Variants in SLC25A21 observed in about 807,000 individuals in gnomAD.
SLC25A21 encodes the protein solute carrier family 25 member 21.
In SLC25A21, 47 loss-of-function variants were observed where a neutral mutation model predicts 43.8. That is an observed-to-expected ratio of 1.07 (90% CI 0.85 to 1.37). SLC25A21 has a LOEUF of 1.37. SLC25A21 is among the 40% of genes most tolerant of loss of function. The pLI, the probability that SLC25A21 is intolerant of heterozygous loss-of-function variation, is 0.00. For synonymous variants in SLC25A21, 131 were observed against 121.3 expected (o/e 1.08, Z -0.52); for missense variants, 352 against 350.2 (o/e 1.00, Z -0.04).
chr14:37,127,099 G>C (rs1342411112), intron 1 of SLC25A21, among the ~76,000 whole-genome samples: 1 of 152,146 alleles, frequency 6.6e-6, no homozygotes, highest in Non-Finnish European at 1.5e-5. Context: ...AGAAGAAAGT[G>C]ATAGAGATAG....
intron 1 of SLC25A21, among the ~76,000 whole-genome samples, chr14:36,947,462 T>C (rs1222340307): frequency 6.6e-6 from 1 of 152,160 alleles, no homozygotes; most frequent in African/African-American, 2.4e-5. Flanking sequence ...TGGTCTGAAA[T>C]GTCTGACTCC....
chr14:37,009,402 C>G (rs1422179221), intron 1 of SLC25A21, among the ~76,000 whole-genome samples: 1 of 152,060 alleles, frequency 6.6e-6, no homozygotes, highest in East Asian at 1.9e-4. Flanking sequence ...AGGAGAATTG[C>G]TTGAACCTGG....
chr14:36,763,055 C>T (rs547614024), intron 3 of SLC25A21, among the ~76,000 whole-genome samples: 1 of 152,212 alleles, frequency 6.6e-6, no homozygotes, highest in East Asian at 1.9e-4. Flanking sequence ...AAAATGCCTG[C>T]CTTAAAGCAC....
intron 1 of SLC25A21, among the ~76,000 whole-genome samples, chr14:37,104,394 T>C (rs1247929671): frequency 3.3e-5 from 5 of 152,204 alleles, no homozygotes; most frequent in African/African-American, 4.8e-5. Context: ...TTACAAATTA[T>C]CTGGTCTAAG....
chr14:36,693,158 A>AT (rs1301796268), intron 7 of SLC25A21, among the ~76,000 whole-genome samples: 4 of 152,182 alleles, frequency 2.6e-5, no homozygotes, highest in South Asian at 2.1e-4. Context: ...TGAAAATTTC[A>AT]TTTTTTTGAA....
At chr14:37,094,268 T>C (rs1051952289) in intron 1 of SLC25A21, among the ~76,000 whole-genome samples, 6 of 152,064 alleles carry the variant, frequency 3.9e-5, no homozygotes, top group African/African-American at 1.4e-4. Flanking sequence ...CTCACCAGAG[T>C]CAGGTCTCTT....
chr14:36,807,731 A>T (rs1045191205), intron 3 of SLC25A21, among the ~76,000 whole-genome samples: 4 of 152,334 alleles, frequency 2.6e-5, no homozygotes, highest in African/African-American at 9.6e-5. Context: ...CACTGATAAA[A>T]AGAAAATGTC....
At chr14:36,837,131 G>C (rs848055) in intron 2 of SLC25A21, among the ~76,000 whole-genome samples, 27,078 of 152,094 alleles carry the variant, frequency 0.18, 2,824 homozygotes, top group Middle Eastern at 0.26. Context: ...TGTGTGGCTG[G>C]AGGCTGTGGT....
At position 37,168,776 on chromosome 14, in the gene SLC25A21, G is replaced by A. The variant is rs977625474; in HGVS notation, c.70+3505C>T. ...AGTCAACTGTGAGAAAGAGGACTGA[G>A]GAGGACACCAGGGGAACACAAGGAA... On this transcript the variant is annotated intron_variant, in intron 1 of 9. Transcript: ENST00000331299. Among the ~76,000 whole-genome samples, 2 of 152,146 alleles carry A rather than the reference G, an allele frequency of 1.3e-5. 1 individual carries two copies. Among genetic ancestry groups the A allele is most frequent in the Non-Finnish European group, 2.9e-5 (2 of 68,014 alleles).
intron 2 of SLC25A21, 58 bp downstream of exon 2, chr14:36,874,898 C>A: frequency 6.9e-7 from 1 of 1,456,852 alleles, no homozygotes; most frequent in Non-Finnish European, 9.5e-7. Flanking sequence ...AGTGCTCTGA[C>A]AGATCTTAAT....
At chr14:37,016,230 G>C (rs911230086) in intron 1 of SLC25A21, among the ~76,000 whole-genome samples, 7 of 152,242 alleles carry the variant, frequency 4.6e-5, no homozygotes, top group Non-Finnish European at 8.8e-5. Context: ...TAAAGTGTAA[G>C]GAAGGGATCC....
chr14:37,044,161 T>C (rs1049539426), intron 1 of SLC25A21, among the ~76,000 whole-genome samples: 5 of 151,974 alleles, frequency 3.3e-5, no homozygotes, highest in Non-Finnish European at 5.9e-5. Flanking sequence ...GTCTGGCACA[T>C]AGTAGACACT....
intron 6 of SLC25A21, among the ~76,000 whole-genome samples, chr14:36,713,024 G>A (rs914099568): frequency 6.6e-6 from 1 of 152,116 alleles, no homozygotes; most frequent in Non-Finnish European, 1.5e-5. Context: ...GAAGGAGAGG[G>A]CAGCTTTCCT....
At chr14:37,135,468 C>A (rs1474725856) in intron 1 of SLC25A21, among the ~76,000 whole-genome samples, 2 of 151,352 alleles carry the variant, frequency 1.3e-5, no homozygotes, top group African/African-American at 2.4e-5. Context: ...CTCAAAAGAT[C>A]CCCCCACCCT....
intron 3 of SLC25A21, among the ~76,000 whole-genome samples, chr14:36,785,404 T>TG (rs1887211715): frequency 6.6e-6 from 1 of 152,206 alleles, no homozygotes; most frequent in Non-Finnish European, 1.5e-5. Flanking sequence ...CCACTCACCC[T>TG]GGGAGCAACC....
At chr14:36,904,267 G>A (rs185907953) in intron 1 of SLC25A21, among the ~76,000 whole-genome samples, 52 of 152,242 alleles carry the variant, frequency 3.4e-4, no homozygotes, top group Admixed American at 2.4e-3. Flanking sequence ...CATATCATTC[G>A]GGAGAATCTG....
intron 1 of SLC25A21, among the ~76,000 whole-genome samples, chr14:36,999,221 C>T (rs1960435550): frequency 6.6e-6 from 1 of 151,930 alleles, no homozygotes; most frequent in Non-Finnish European, 1.5e-5. Context: ...GCTATCAAGC[C>T]ATGAAAATAT....
intron 2 of SLC25A21, among the ~76,000 whole-genome samples, chr14:36,821,152 C>G (rs1193217473): frequency 6.6e-6 from 1 of 152,166 alleles, no homozygotes; most frequent in Admixed American, 6.5e-5. Flanking sequence ...CTCACCAACT[C>G]TGGGCAAAGA....
rs3061773 is a variant in SLC25A21 at position 37,032,670 on chromosome 14, C to CAAAAAAAAAAAA, written c.70+139599_70+139610dup. On this transcript the variant is annotated intron_variant, in intron 1 of 9. Coordinates refer to ENST00000331299, the MANE Select transcript of SLC25A21 (RefSeq NM_030631.4). The stretch of plus-strand genomic sequence containing the variant: ...TGGGCAACAGAGTGAGACTCTGTCT[C>CAAAAAAAAAAAA]AAAAAAAAAAAAAAAGGGAGAACAG... Among the ~76,000 whole-genome samples the CAAAAAAAAAAAA allele has an allele frequency of 6.9e-4, 65 of 93,662 alleles. 2 individuals are homozygous for CAAAAAAAAAAAA. In the East Asian group the frequency reaches 8.0e-3, roughly 11 times the overall value. 61.4% of individuals were successfully genotyped at this position (93,662 alleles called of 152,430 possible).
Sources: gnomAD v4.1 joint callset for allele counts (sites outside exome capture counted in the v4.1 genomes callset) on GRCh38, gnomAD v4.1.1 for gene constraint, MANE v1.5 for transcripts, NCBI Gene and HGNC (gene_info 2026-07-23, HGNC 2026-07-21) for gene names.